The following TCOF1 variants were observed in gnomAD, a reference collection of about 807,000 sequenced individuals.
TCOF1 encodes treacle protein.
In TCOF1, 33 loss-of-function variants were observed where a neutral mutation model predicts 149.0. The ratio of observed to expected loss-of-function variants is 0.22; its 90% confidence interval spans 0.17 to 0.30. The LOEUF is 0.30. TCOF1 is among the 10% of genes least tolerant of loss of function. TCOF1 has a pLI of 1.00. For missense variants in TCOF1, 1,728 were observed against 1,840.7 expected, an observed-to-expected ratio of 0.94 and a Z score of 1.12; for synonymous variants, 789 against 738.8, an observed-to-expected ratio of 1.07 and a Z score of -1.10.
At position 150,374,784 on chromosome 5, in the gene TCOF1, G is replaced by A. The variant is rs147778636; in HGVS notation, c.1251G>A (p.Ser417=). ...ACTCGCAGAGCAGCAGCGAGGAATC[G>A]GACAGTGAGGAGGAGGCGCCTGCTC... ...EEDSQSSSEE[S]DSEEEAPAQA... is the part of the protein sequence containing the mutation. The change falls in exon 9 of 27, where the codon TCG becomes TCA. Residue 417 remains serine, a synonymous_variant. Transcript: ENST00000643257. 17 of 1,605,896 alleles carry A rather than the reference G, an allele frequency of 1.1e-5. No homozygotes were observed. The highest frequency in any genetic ancestry group is 3.3e-5 in the South Asian group (3 of 90,642).
rs780384341 is a variant in TCOF1, at chr5:150,379,656, A to G, written c.2783A>G (p.Lys928Arg). Residue 928 changes from lysine to arginine, a missense_variant, in exon 17 of 27, where the codon AAG (lysine) becomes AGG (arginine). Physicochemically the swap from Lys to Arg is conservative, Grantham distance 26 (BLOSUM62 2). Around this residue, in one of 2 missense-constraint regions of TCOF1, gnomAD observed 1,696 missense variants for 1,765.4 expected, o/e 0.96. Transcript: ENST00000643257. Reference sequence around the variant, plus strand: ...GGGCCTTCGGCTGCCCAGGCAGGGAAGCAGGATGACTCAGGGAGCAGCAGC... The same window carrying G: ...GGGCCTTCGGCTGCCCAGGCAGGGAGGCAGGATGACTCAGGGAGCAGCAGC... ...KTGPSAAQAG[K>R]QDDSGSSSEE... 1.1e-5 allele frequency: 18 copies of G among 1,613,802 alleles called. No individual in the cohort carries two copies. In the Admixed American group the frequency reaches 3.0e-4, roughly 27 times the overall value.
chr5:150,361,147 T>A lies in TCOF1; in HGVS notation c.109-9T>A, dbSNP rs1324641390. The A allele has an allele frequency of 6.2e-7, 1 of 1,614,106 alleles. No homozygotes were observed. The highest frequency in any genetic ancestry group is 8.5e-7 in the Non-Finnish European group (1 of 1,179,994). On this transcript the variant is annotated splice_polypyrimidine_tract_variant and intron_variant, in intron 1 of 26. Coordinates refer to ENST00000643257, the MANE Select transcript of TCOF1 (RefSeq NM_001371623.1). ...GATTAATTGTGGCTTTCTCTTTACCTCTCTGCAGAAGTGTTTCCTGGCTCA... is the reference window on the plus strand; with the variant it reads ...GATTAATTGTGGCTTTCTCTTTACCACTCTGCAGAAGTGTTTCCTGGCTCA...
At chr5:150,369,378 G>A (rs974649059) in intron 5 of TCOF1, 151 bp from the exon 6 acceptor site, 21 of 848,474 alleles carry the variant, frequency 2.5e-5, no homozygotes, top group Middle Eastern at 6.3e-4. Context: ...ACCTCAGAAG[G>A]GGGCTTCACA....
intron 17 of TCOF1, chr5:150,380,080 A>AAAAG: frequency 7.5e-6 from 2 of 265,590 alleles, no homozygotes; most frequent in Admixed American, 4.9e-5. Flanking sequence ...CAAAAAAAAA[A>AAAAG]AAAAAGAAAA....
chr5:150,375,324 C>T lies in TCOF1; in HGVS notation c.1489-15C>T, dbSNP rs1259162641. ...TCTGGACTCCCTCCCTAATCTTGTC[C>T]TTTGTGTCTCCCAGGTGAAGCCCTT... On this transcript the variant is annotated splice_polypyrimidine_tract_variant and intron_variant, in intron 10 of 26. Transcript: ENST00000643257. 1 of 1,610,338 alleles carries T rather than the reference C, an allele frequency of 6.2e-7. No individual in the cohort carries two copies. The highest frequency in any genetic ancestry group is 2.2e-4 in the Middle Eastern group (1 of 4,534).
rs2071238 is a variant in TCOF1, at chr5:150,375,428, C to T, written c.1578C>T (p.Pro526=). The T allele has an allele frequency of 0.16, 251,286 of 1,612,736 alleles. 20,628 individuals are homozygous for T. The highest frequency in any genetic ancestry group is 0.25 in the African/African-American group (18,850 of 74,862). Reference sequence around the variant, plus strand: ...GGAAAGGCGCCGGCCCAGTGCCACCCGGGAAGGTGGGGCCTGCAACCCCCT... The same window carrying T: ...GGAAAGGCGCCGGCCCAGTGCCACCTGGGAAGGTGGGGCCTGCAACCCCCT... The part of the protein sequence containing the change: ...PLGKGAGPVP[P]GKVGPATPSA... The change falls in exon 11 of 27, where the codon CCC becomes CCT. Residue 526 remains proline, a synonymous_variant. Transcript: ENST00000643257.
rs768338173 is a variant in TCOF1, at chr5:150,374,994, C to T, written c.1319C>T (p.Ser440Leu). The T allele has an allele frequency of 1.5e-5, 25 of 1,613,872 alleles. No individual in the cohort carries two copies. Among genetic ancestry groups the T allele is most frequent in the South Asian group, 9.9e-5 (9 of 91,088 alleles). The change falls in exon 10 of 27, where the codon TCG becomes TTG. Residue 440 changes from serine (S) to leucine (L), a missense_variant. By Grantham distance (145) the Ser-to-Leu change is moderately radical. Transcript: ENST00000643257. ...SGKAPQVRAASAPAKESPRKG... is the reference protein window; with the variant it reads ...SGKAPQVRAALAPAKESPRKG... ...AAGGCCCCCCAGGTCAGAGCCGCCT[C>T]GGCCCCTGCCAAGGAGTCCCCCAGG...
At chr5:150,358,982 G>A (rs1035980520) in intron 1 of TCOF1, among the ~76,000 whole-genome samples, 1 of 152,136 alleles carries the variant, frequency 6.6e-6, no homozygotes, top group Non-Finnish European at 1.5e-5. Flanking sequence ...TACAGTATGA[G>A]CCATGATCAT....
Position 150,357,756 on chromosome 5 carries a change from G to A in TCOF1, c.10G>A (p.Ala4Thr). Residue 4 changes from alanine (A) to threonine (T), a missense_variant, in exon 1 of 27, where the codon GCC becomes ACC. Around this residue, in one of 2 missense-constraint regions of TCOF1, gnomAD observed 32 missense variants for 75.3 expected, o/e 0.43. Transcript: ENST00000643257. Reference sequence around the variant, plus strand: ...GCCGGGGGTCGCGGGTATGGCCGAGGCCAGGAAGCGGCGGGAGCTACTTCC... The same window carrying A: ...GCCGGGGGTCGCGGGTATGGCCGAGACCAGGAAGCGGCGGGAGCTACTTCC... MAE[A>T]RKRRELLPLI... is the part of the protein sequence containing the mutation. 1 of 1,549,222 alleles carries A rather than the reference G, an allele frequency of 6.5e-7. No individual in the cohort carries two copies. The highest frequency in any genetic ancestry group is 1.8e-4 in the Middle Eastern group (1 of 5,710).
intron 17 of TCOF1, chr5:150,380,112 G>A: frequency 3.8e-6 from 1 of 260,488 alleles, no homozygotes; most frequent in South Asian, 4.2e-5. Flanking sequence ...GAAAAACCAG[G>A]GTTTAGGGCC....
chr5:150,367,362 G>A (rs1279316422), intron 3 of TCOF1, among the ~76,000 whole-genome samples: 1 of 152,142 alleles, frequency 6.6e-6, no homozygotes, highest in African/African-American at 2.4e-5. Flanking sequence ...GGCCCAGGTG[G>A]CATGGTTCAG....
chr5:150,382,364 T>TG (rs1179085707), intron 17 of TCOF1, among the ~76,000 whole-genome samples: 2 of 152,026 alleles, frequency 1.3e-5, no homozygotes, highest in African/African-American at 2.4e-5. Context: ...GCATGGCTGT[T>TG]AGGAGGCAGC....
At chr5:150,390,053 G>A (rs1285718059) in intron 19 of TCOF1, 30 bp downstream of exon 19, 1 of 1,582,042 alleles carries the variant, frequency 6.3e-7, no homozygotes, top group East Asian at 2.4e-5. Flanking sequence ...GGGTAATGCA[G>A]GCCAGTGGGG....
chr5:150,376,148 G>T lies in TCOF1; in HGVS notation c.1960G>T (p.Ala654Ser). The T allele has an allele frequency of 6.2e-7, 1 of 1,614,228 alleles. No homozygotes were observed. The highest frequency in any genetic ancestry group is 1.1e-5 in the South Asian group (1 of 91,088). Residue 654 changes from alanine (A) to serine (S), a missense_variant, in exon 13 of 27, where the codon GCC becomes TCC. This residue lies in a region of TCOF1 where 1,696 missense variants were observed against 1,765.4 expected (regional missense o/e 0.96). Coordinates refer to ENST00000643257, the MANE Select transcript of TCOF1 (RefSeq NM_001371623.1). ...AAAGAAAACCAATACCACTGCATCT[G>T]CCAAGGTCGCCCCTGTGCGAGTGGG... is the stretch of plus-strand genomic sequence containing the variant. The part of the protein sequence containing the change: ...CPKKTNTTAS[A>S]KVAPVRVGTQ...
At chr5:150,375,683 C>T in intron 11 of TCOF1, 38 bp from the exon 12 acceptor site, 1 of 1,614,002 alleles carries the variant, frequency 6.2e-7, no homozygotes, top group Non-Finnish European at 8.5e-7. Flanking sequence ...CACACCTACC[C>T]TGGGCTCCCT....
intron 7 of TCOF1, among the ~76,000 whole-genome samples, chr5:150,373,212 TTGTG>T (rs113101162): frequency 2.0e-5 from 3 of 148,752 alleles, no homozygotes; most frequent in African/African-American, 7.4e-5. Context: ...CACACCCAGC[TTGTG>T]TGTGTGTGTG....
chr5:150,378,772 C>A, intron 14 of TCOF1, 133 bp from the exon 15 acceptor site: 2 of 1,292,354 alleles, frequency 1.5e-6, no homozygotes, highest in Non-Finnish European at 1.1e-6. Context: ...AAGTGATGAG[C>A]TCAGGTTCAC....
intron 6 of TCOF1, among the ~76,000 whole-genome samples, chr5:150,370,727 G>T (rs1464958532): frequency 6.6e-6 from 1 of 152,212 alleles, no homozygotes; most frequent in African/African-American, 2.4e-5. Flanking sequence ...AGCACTCTGG[G>T]AGGCCAAGGC....
chr5:150,378,251 A>G (rs1040163702), intron 14 of TCOF1, among the ~76,000 whole-genome samples: 2 of 152,144 alleles, frequency 1.3e-5, no homozygotes, highest in African/African-American at 4.8e-5. Flanking sequence ...ATTCTGTTTC[A>G]CATTAGGCTT....
Sources: allele counts gnomAD v4.1 joint callset (sites outside exome capture counted in the v4.1 genomes callset), GRCh38; gene constraint gnomAD v4.1.1; regional missense constraint gnomAD v4.1.1; transcripts MANE v1.5; gene names NCBI Gene and HGNC (gene_info 2026-07-23, HGNC 2026-07-21).